Variants in EFR3A observed in about 807,000 individuals in gnomAD.
EFR3A encodes the protein protein EFR3 homolog A.
EFR3A carries 76 observed loss-of-function variants against 104.4 expected under a neutral mutation model. That is an observed-to-expected ratio of 0.73 (90% confidence interval 0.60 to 0.88). The LOEUF is 0.88. Ranked by LOEUF, EFR3A falls within the 40% of genes least tolerant of loss-of-function variation. The probability of loss-of-function intolerance (pLI) is 0.00; values close to 1 mark genes in which losing one functional copy is unlikely to be tolerated. For synonymous variants in EFR3A, 330 were observed against 330.0 expected (o/e 1.00, Z 0.00); for missense variants, 985 against 1,012.5 (o/e 0.97, Z 0.37).
chr8:131,958,546 G>A (rs145375951), intron 7 of EFR3A, among the ~76,000 whole-genome samples: 13 of 151,464 alleles, frequency 8.6e-5, no homozygotes, highest in Admixed American at 8.5e-4. Context: ...GTAACACGTA[G>A]TAGACCTTAA....
chr8:131,970,776 GA>G, intron 10 of EFR3A, 133 bp downstream of exon 10: 7 of 846,778 alleles, frequency 8.3e-6, no homozygotes, highest in Non-Finnish European at 1.2e-5. Flanking sequence ...TTTAATTTTC[GA>G]AAACAAGCAA....
intron 1 of EFR3A, among the ~76,000 whole-genome samples, chr8:131,926,355 C>CT (rs1817298556): frequency 3.3e-5 from 5 of 151,992 alleles, no homozygotes; most frequent in Admixed American, 6.6e-5. Flanking sequence ...GAAATTATTA[C>CT]TTTTTTGGGT....
rs1385580911 is a variant in EFR3A, at chr8:131,979,020, G to A, written c.1499+1G>A. The A allele has an allele frequency of 6.3e-7, 1 of 1,599,504 alleles. No individual in the cohort carries two copies. ...ATAGGGCAAAGCTTCGAGGGATCAG[G>A]TAATGTGCCATTTTGAAATGGATCT... On this transcript the variant is annotated splice_donor_variant, in intron 13 of 22. Transcript: ENST00000254624. LOFTEE classifies it high-confidence loss of function.
At chr8:131,968,163 A>G (rs1174043113) in intron 8 of EFR3A, 132 bp from the exon 9 acceptor site, 6 of 729,372 alleles carry the variant, frequency 8.2e-6, no homozygotes, top group East Asian at 2.8e-5. Flanking sequence ...TATTGTGGCT[A>G]TTTATTGTCT....
intron 10 of EFR3A, among the ~76,000 whole-genome samples, chr8:131,975,382 CA>C (rs1271953142): frequency 4.0e-5 from 6 of 150,166 alleles, no homozygotes; most frequent in Non-Finnish European, 7.4e-5. Flanking sequence ...GAAATACTAC[CA>C]AAATATTTTT....
At chr8:131,937,789 T>A (rs1250632817) in intron 1 of EFR3A, among the ~76,000 whole-genome samples, 1 of 151,530 alleles carries the variant, frequency 6.6e-6, no homozygotes, top group Non-Finnish European at 1.5e-5. Flanking sequence ...CTTTTTTTTT[T>A]TTTTTTCTTT....
chr8:131,940,503 ATGC>A lies in EFR3A; in HGVS notation c.24_26del (p.Cys9del). On this transcript the variant is annotated inframe_deletion, in exon 2 of 23. Transcript: ENST00000254624. ...TGATTTTTTTTTTTTTAACAGGAGT[ATGC>A]TGCTGCTGTTCCGCTTTGCGTCCTC... The A allele has an allele frequency of 6.3e-7, 1 of 1,595,056 alleles. No homozygotes were observed.
At chr8:131,988,004 A>G (rs1820980761) in intron 18 of EFR3A, among the ~76,000 whole-genome samples, 1 of 152,086 alleles carries the variant, frequency 6.6e-6, no homozygotes, top group Non-Finnish European at 1.5e-5. Flanking sequence ...TTCTCATTAA[A>G]TGATATTCTA....
At chr8:131,909,578 A>G (rs996791968) in intron 1 of EFR3A, among the ~76,000 whole-genome samples, 1 of 151,982 alleles carries the variant, frequency 6.6e-6, no homozygotes, top group African/African-American at 2.4e-5. Flanking sequence ...TTAGTTTATG[A>G]TTGTGTTCTT....
At chr8:131,929,059 T>C (rs1474332814) in intron 1 of EFR3A, among the ~76,000 whole-genome samples, 1 of 152,174 alleles carries the variant, frequency 6.6e-6, no homozygotes. Context: ...TAAATGCTTT[T>C]GGTTTTTAAA....
intron 1 of EFR3A, among the ~76,000 whole-genome samples, chr8:131,909,077 G>A (rs189032572): frequency 3.5e-4 from 54 of 152,230 alleles, no homozygotes; most frequent in Non-Finnish European, 5.9e-4. Flanking sequence ...TCAGACATTA[G>A]AACTTACTCC....
chr8:131,936,556 C>G (rs1480303185), intron 1 of EFR3A, among the ~76,000 whole-genome samples: 1 of 151,994 alleles, frequency 6.6e-6, no homozygotes, highest in Non-Finnish European at 1.5e-5. Flanking sequence ...GTCTCTGTCT[C>G]TCTCTCAAGA....
At chr8:131,935,897 T>C (rs941702270) in intron 1 of EFR3A, among the ~76,000 whole-genome samples, 1 of 151,766 alleles carries the variant, frequency 6.6e-6, no homozygotes, top group Non-Finnish European at 1.5e-5. Flanking sequence ...AGTCCCCAAA[T>C]TTATAGAGTT....
chr8:131,965,092 A>T (rs1229660700), intron 8 of EFR3A, among the ~76,000 whole-genome samples: 1 of 152,214 alleles, frequency 6.6e-6, no homozygotes, highest in Non-Finnish European at 1.5e-5. Flanking sequence ...CTTAAATGTT[A>T]GACTTAAAAC....
intron 1 of EFR3A, among the ~76,000 whole-genome samples, chr8:131,921,307 C>G (rs1817010905): frequency 6.6e-6 from 1 of 152,062 alleles, no homozygotes; most frequent in African/African-American, 2.4e-5. Flanking sequence ...GGAGTTCTGA[C>G]TGTATGTGTG....
chr8:131,948,304 C>T (rs1389137525), intron 4 of EFR3A, among the ~76,000 whole-genome samples: 3 of 151,972 alleles, frequency 2.0e-5, no homozygotes, highest in African/African-American at 4.8e-5. Flanking sequence ...CTCCTTGCCT[C>T]GGTTTTTCAT....
intron 1 of EFR3A, among the ~76,000 whole-genome samples, chr8:131,908,583 T>A (rs2130368857): frequency 6.6e-6 from 1 of 152,310 alleles, no homozygotes; most frequent in African/African-American, 2.4e-5. Flanking sequence ...CTATTTGACC[T>A]GTTTTAGAAG....
Position 131,953,912 on chromosome 8 carries a change from G to A in EFR3A, c.583G>A (p.Asp195Asn), listed in dbSNP as rs1377608390. 7 of 1,574,046 alleles carry A rather than the reference G, an allele frequency of 4.4e-6. No homozygotes were observed. The highest frequency in any genetic ancestry group is 1.2e-5 in the South Asian group (1 of 85,544). ...RATIWEPQHM[D>N]KIVPSLLFNM... The stretch of plus-strand genomic sequence containing the variant: ...CACCATTTGGGAACCTCAGCATATG[G>A]ATAAGATTGTTCCATCCCTCCTGTT... Residue 195 changes from aspartate (D) to asparagine (N), a missense_variant, in exon 6 of 23, where the codon GAT becomes AAT. Transcript: ENST00000254624.
At chr8:131,977,649 C>T (rs961731819) in intron 12 of EFR3A, among the ~76,000 whole-genome samples, 6 of 152,280 alleles carry the variant, frequency 3.9e-5, no homozygotes, top group South Asian at 2.1e-4. Flanking sequence ...AGCACATATG[C>T]GTCCTCTCAA....
Sources: gnomAD v4.1 joint callset for allele counts (sites outside exome capture counted in the v4.1 genomes callset) on GRCh38, gnomAD v4.1.1 for gene constraint, MANE v1.5 for transcripts, NCBI Gene and HGNC (gene_info 2026-07-23, HGNC 2026-07-21) for gene names.